ADAMTS3: variants seen among roughly 807,000 people sequenced by gnomAD.
ADAMTS3 encodes the protein A disintegrin and metalloproteinase with thrombospondin motifs 3.
Under a neutral mutation model 129.0 loss-of-function variants are expected in ADAMTS3, and 73 were observed. The ratio of observed to expected loss-of-function variants is 0.57; its 90% CI spans 0.47 to 0.69. The LOEUF (loss-of-function observed/expected upper bound fraction) is 0.69, where lower values mean the gene tolerates loss of function less well. ADAMTS3 is among the 30% of genes least tolerant of loss of function. ADAMTS3 has a pLI of 0.00. For synonymous variants in ADAMTS3, 477 were observed against 510.8 expected (o/e 0.93, Z 0.89); for missense variants, 1,457 against 1,514.5 (o/e 0.96, Z 0.63).
chr4:72,520,548 G>A (rs1720636968), intron 3 of ADAMTS3, among the ~76,000 whole-genome samples: 2 of 152,332 alleles, frequency 1.3e-5, no homozygotes, highest in African/African-American at 2.4e-5. Flanking sequence ...GGCAATGGCG[G>A]GCGCCCCTCC....
chr4:72,467,350 T>C (rs968728762), intron 3 of ADAMTS3, among the ~76,000 whole-genome samples: 2 of 152,090 alleles, frequency 1.3e-5, no homozygotes, highest in Admixed American at 6.6e-5. Context: ...ACAGTATCTA[T>C]TGCAGTATCT....
chr4:72,305,631 T>G lies in ADAMTS3; in HGVS notation c.2260+356A>C, dbSNP rs535220637. Among the ~76,000 whole-genome samples, 7 of 152,186 alleles carry G rather than the reference T, an allele frequency of 4.6e-5. No individual in the cohort carries two copies. The South Asian group carries it at 6.2e-4, about 14-fold the overall frequency. Reference sequence around the variant, plus strand: ...AAAGCTCTACTTTTTTTATGTTTCTTGTTTTAAAGTAAGCATAGTTGGGAG... The same window carrying G: ...AAAGCTCTACTTTTTTTATGTTTCTGGTTTTAAAGTAAGCATAGTTGGGAG... On this transcript the variant is annotated intron_variant, in intron 16 of 21. Coordinates refer to ENST00000286657, the MANE Select transcript of ADAMTS3 (RefSeq NM_014243.3).
chr4:72,554,308 T>C (rs1721711561), intron 2 of ADAMTS3, among the ~76,000 whole-genome samples: 1 of 152,204 alleles, frequency 6.6e-6, no homozygotes, highest in Admixed American at 6.5e-5. Context: ...CATGTTAGAT[T>C]TTCCTAGTGG....
chr4:72,494,802 A>G (rs2110017952), intron 3 of ADAMTS3, among the ~76,000 whole-genome samples: 2 of 152,300 alleles, frequency 1.3e-5, no homozygotes, highest in Middle Eastern at 6.8e-3. Flanking sequence ...GGGGGTGCTT[A>G]GTAGTAATTC....
intron 11 of ADAMTS3, 64 bp from the exon 12 acceptor site, chr4:72,313,886 C>A: frequency 1.3e-6 from 2 of 1,580,296 alleles, no homozygotes; most frequent in East Asian, 2.3e-5. Flanking sequence ...AGTTGTTATA[C>A]AAGAACCATC....
intron 5 of ADAMTS3, among the ~76,000 whole-genome samples, chr4:72,326,280 C>T (rs1302947398): frequency 1.3e-5 from 2 of 152,040 alleles, no homozygotes; most frequent in Non-Finnish European, 2.9e-5. Flanking sequence ...CTGTACAAAG[C>T]ACTGTATCTT....
At chr4:72,319,715 C>T (rs1719502164) in intron 8 of ADAMTS3, 143 bp downstream of exon 8, 1 of 804,464 alleles carries the variant, frequency 1.2e-6, no homozygotes, top group Admixed American at 2.5e-5. Flanking sequence ...TGCATGACCT[C>T]TTCTCTGTTT....
rs116362031 is a variant in ADAMTS3 at position 72,456,788 on chromosome 4, C to G, written c.505-41817G>C. The stretch of plus-strand genomic sequence containing the variant: ...GCTCCTCTTTAATTGGGGGTGCATT[C>G]TTTACATTTGTGTGTTTGCATCTTC... On this transcript the variant is annotated intron_variant, in intron 3 of 21. Coordinates refer to ENST00000286657, the MANE Select transcript of ADAMTS3 (RefSeq NM_014243.3). Among the ~76,000 whole-genome samples, 1,293 of 151,520 alleles carry G rather than the reference C, an allele frequency of 8.5e-3. 22 individuals are homozygous for G. The highest frequency in any genetic ancestry group is 0.03 in the African/African-American group (1,250 of 41,394).
intron 3 of ADAMTS3, among the ~76,000 whole-genome samples, chr4:72,437,751 T>G (rs1717987883): frequency 6.6e-6 from 1 of 151,732 alleles, no homozygotes. Context: ...TTATTTTCAC[T>G]ACCAACAATT....
At chr4:72,398,386 G>A (rs577961377) in intron 4 of ADAMTS3, among the ~76,000 whole-genome samples, 31 of 151,958 alleles carry the variant, frequency 2.0e-4, no homozygotes, top group African/African-American at 3.9e-4. Flanking sequence ...GAGAAACCCC[G>A]TCTCTACTAA....
At chr4:72,310,659 A>C (rs1719207071) in intron 14 of ADAMTS3, among the ~76,000 whole-genome samples, 1 of 152,144 alleles carries the variant, frequency 6.6e-6, no homozygotes, top group Non-Finnish European at 1.5e-5. Flanking sequence ...GAAATGTCTT[A>C]TTATCTTTAC....
At position 72,353,727 on chromosome 4, in the gene ADAMTS3, C is replaced by A. The variant is rs183433004; in HGVS notation, c.662-14034G>T. Among the ~76,000 whole-genome samples, 137 of 152,108 alleles carry A rather than the reference C, an allele frequency of 9.0e-4. 1 individual carries two copies. Among genetic ancestry groups the A allele is most frequent in the Non-Finnish European group, 1.6e-3 (106 of 67,954 alleles). ...AATCTTTTCATTGAATTCTTTCATG[C>A]TTAAAATGGCTAGTGTGGTTTCAAT... is the stretch of plus-strand genomic sequence containing the variant. On this transcript the variant is annotated intron_variant, in intron 4 of 21. Transcript: ENST00000286657.
At chr4:72,437,905 A>G (rs1182000447) in intron 3 of ADAMTS3, among the ~76,000 whole-genome samples, 1 of 151,786 alleles carries the variant, frequency 6.6e-6, no homozygotes, top group Non-Finnish European at 1.5e-5. Flanking sequence ...TTGGGAAAAC[A>G]AAAACACCCT....
At chr4:72,470,361 T>TGATATATATATATA (rs1553917045) in intron 3 of ADAMTS3, among the ~76,000 whole-genome samples, 1 of 116,482 alleles carries the variant, frequency 8.6e-6, no homozygotes, top group Non-Finnish European at 1.8e-5. Flanking sequence ...TATTTTAAGT[T>TGATATATATATATA]TATATATATA....
chr4:72,355,770 T>A (rs765301426), intron 4 of ADAMTS3, among the ~76,000 whole-genome samples: 6 of 152,048 alleles, frequency 3.9e-5, no homozygotes, highest in Admixed American at 2.0e-4. Context: ...TTATCTTCTT[T>A]ATAAATTACT....
At chr4:72,517,570 T>G (rs1208633359) in intron 3 of ADAMTS3, among the ~76,000 whole-genome samples, 1 of 152,172 alleles carries the variant, frequency 6.6e-6, no homozygotes, top group African/African-American at 2.4e-5. Context: ...CTTGGGAGGG[T>G]GTATGTGTCA....
intron 9 of ADAMTS3, among the ~76,000 whole-genome samples, chr4:72,319,105 G>A (rs568092630): frequency 6.6e-6 from 1 of 152,062 alleles, no homozygotes; most frequent in Non-Finnish European, 1.5e-5. Flanking sequence ...TTTACTAAAG[G>A]AAAATTACAT....
chr4:72,338,959 C>T (rs1012721867), intron 5 of ADAMTS3, among the ~76,000 whole-genome samples: 15 of 152,006 alleles, frequency 9.9e-5, no homozygotes, highest in Non-Finnish European at 2.9e-5. Flanking sequence ...TGTGCAGCAC[C>T]GTGCCAATAG....
At chr4:72,300,071 G>A (rs943665018) in intron 17 of ADAMTS3, among the ~76,000 whole-genome samples, 8 of 152,086 alleles carry the variant, frequency 5.3e-5, no homozygotes, top group African/African-American at 1.9e-4. Flanking sequence ...ATCAGTGGGG[G>A]TAGAGGATCT....
Sources: allele counts gnomAD v4.1 joint callset (sites outside exome capture counted in the v4.1 genomes callset), GRCh38; gene constraint gnomAD v4.1.1; transcripts MANE v1.5; gene names NCBI Gene and HGNC (gene_info 2026-07-23, HGNC 2026-07-21).